CCR3: variants seen among roughly 807,000 people sequenced by gnomAD.
The protein encoded by CCR3 is C-C motif chemokine receptor 3, also known as C-C chemokine receptor type 3.
For synonymous variants in CCR3, 203 were observed against 179.2 expected (o/e 1.13, Z -1.06); for missense variants, 419 against 437.5 (o/e 0.96, Z 0.38).
At chr3:46,255,519 A>T (rs1700404561) in intron 1 of CCR3, among the ~76,000 whole-genome samples, 1 of 152,032 alleles carries the variant, frequency 6.6e-6, no homozygotes, top group South Asian at 2.1e-4. Flanking sequence ...TAAAATTTTT[A>T]TGGTTTTGGG....
chr3:46,222,756 G>T (rs1005492993), intron 2 of CCR3, among the ~76,000 whole-genome samples: 1 of 152,138 alleles, frequency 6.6e-6, no homozygotes. Context: ...GCTTCCCCAC[G>T]TTTAAAATAG....
rs1394572829 is a variant in CCR3, at chr3:46,265,521, C to G, written c.363C>G (p.Ile121Met). 9.9e-6 allele frequency: 16 copies of G among 1,614,106 alleles called. No individual in the cohort carries two copies. The highest frequency in any genetic ancestry group is 3.3e-4 in the Middle Eastern group (2 of 6,062). ...GFYHTGLYSE[I>M]FFIILLTIDR... The stretch of plus-strand genomic sequence containing the variant: ...ATCACACAGGCTTGTACAGCGAGAT[C>G]TTTTTCATAATCCTGCTGACAATCG... Residue 121 changes from isoleucine (I) to methionine (M), a missense_variant, in exon 2 of 2, where the codon ATC becomes ATG. Ile to Met is a conservative substitution (Grantham distance 10). Coordinates refer to ENST00000395940, the MANE Select transcript of CCR3 (RefSeq NM_178329.3).
At chr3:46,251,624 G>A (rs1475654624) in intron 1 of CCR3, among the ~76,000 whole-genome samples, 1 of 152,150 alleles carries the variant, frequency 6.6e-6, no homozygotes, top group Non-Finnish European at 1.5e-5. Flanking sequence ...GCATCCTTGT[G>A]AAGAGACCAC....
At chr3:46,252,130 A>G (rs1700325078) in intron 1 of CCR3, among the ~76,000 whole-genome samples, 1 of 150,510 alleles carries the variant, frequency 6.6e-6, no homozygotes, top group Non-Finnish European at 1.5e-5. Flanking sequence ...TGCAGTAGCC[A>G]CATTTCAAGT....
At chr3:46,231,144 C>T (rs368273465) in intron 2 of CCR3, among the ~76,000 whole-genome samples, 9 of 152,150 alleles carry the variant, frequency 5.9e-5, no homozygotes, top group African/African-American at 1.7e-4. Flanking sequence ...AGGATAGTCT[C>T]GATCTCTTAA....
At chr3:46,212,691 A>C (rs908956286) in intron 2 of CCR3, among the ~76,000 whole-genome samples, 1 of 152,040 alleles carries the variant, frequency 6.6e-6, no homozygotes, top group Non-Finnish European at 1.5e-5. Context: ...GAAAGGGGCC[A>C]AGACTTCTTT....
At chr3:46,251,864 A>G (rs1575504063) in intron 1 of CCR3, among the ~76,000 whole-genome samples, 1 of 152,140 alleles carries the variant, frequency 6.6e-6, no homozygotes, top group Non-Finnish European at 1.5e-5. Context: ...ATGAGCTAGG[A>G]AAAGGACTTT....
intron 2 of CCR3, among the ~76,000 whole-genome samples, chr3:46,231,505 G>A (rs2125925203): frequency 6.6e-6 from 1 of 152,238 alleles, no homozygotes; most frequent in East Asian, 1.9e-4. Flanking sequence ...TAGTCAACGA[G>A]CACAAAGTTT....
chr3:46,248,864 G>A (rs988155110), intron 1 of CCR3, among the ~76,000 whole-genome samples: 3 of 152,154 alleles, frequency 2.0e-5, no homozygotes, highest in African/African-American at 7.2e-5. Flanking sequence ...TTGGCCCCAC[G>A]GGGTGGATAG....
At chr3:46,249,903 G>A (rs1478819616) in intron 1 of CCR3, among the ~76,000 whole-genome samples, 5 of 152,094 alleles carry the variant, frequency 3.3e-5, no homozygotes, top group African/African-American at 1.2e-4. Context: ...ACACCTTGAA[G>A]GTGAGGTTAA....
At chr3:46,211,970 A>G (rs1180310196) in intron 2 of CCR3, among the ~76,000 whole-genome samples, 1 of 151,320 alleles carries the variant, frequency 6.6e-6, no homozygotes, top group Non-Finnish European at 1.5e-5. Context: ...TTAATTTGAT[A>G]CCCCCTCCTG....
intron 2 of CCR3, among the ~76,000 whole-genome samples, chr3:46,212,215 C>A (rs945927878): frequency 2.6e-5 from 4 of 152,180 alleles, no homozygotes; most frequent in African/African-American, 7.2e-5. Flanking sequence ...TGATGCAAAC[C>A]TTTTAGGTTC....
chr3:46,238,919 C>T (rs1212190111), upstream of CCR3, among the ~76,000 whole-genome samples: 1 of 152,168 alleles, frequency 6.6e-6, no homozygotes, highest in South Asian at 2.1e-4. Flanking sequence ...TAACGCAGAT[C>T]AGCGGTTGCC....
chr3:46,230,144 G>A (rs1699945202), intron 2 of CCR3, among the ~76,000 whole-genome samples: 1 of 152,158 alleles, frequency 6.6e-6, no homozygotes, highest in Non-Finnish European at 1.5e-5. Context: ...GGGGTGCATA[G>A]GAAAGGTAAG....
chr3:46,245,810 GT>G (rs1290977250), intron 1 of CCR3, among the ~76,000 whole-genome samples: 2 of 152,080 alleles, frequency 1.3e-5, no homozygotes, highest in Non-Finnish European at 2.9e-5. Context: ...GTCGTATTTG[GT>G]TTTTTCCCTG....
chr3:46,264,853 A>T, intron 1 of CCR3: 2 of 418,568 alleles, frequency 4.8e-6, no homozygotes, highest in African/African-American at 2.1e-5. Context: ...CCTGTTTTGT[A>T]TTTCTTCCTT....
chr3:46,234,028 C>T (rs879323742), intron 2 of CCR3, among the ~76,000 whole-genome samples: 2 of 152,238 alleles, frequency 1.3e-5, no homozygotes, highest in African/African-American at 2.4e-5. Flanking sequence ...CAAGGTAAGA[C>T]AATGGACAGG....
At chr3:46,252,476 G>C (rs1432402854) in intron 1 of CCR3, among the ~76,000 whole-genome samples, 1 of 152,070 alleles carries the variant, frequency 6.6e-6, no homozygotes, top group Non-Finnish European at 1.5e-5. Context: ...ACAGCACCCA[G>C]CCAAGTGTCT....
chr3:46,215,517 A>G (rs140356925), intron 2 of CCR3, among the ~76,000 whole-genome samples: 2 of 152,304 alleles, frequency 1.3e-5, no homozygotes, highest in African/African-American at 2.4e-5. Context: ...CTTACCAGAA[A>G]TGCAGACTCT....
Sources: allele counts gnomAD v4.1 joint callset (sites outside exome capture counted in the v4.1 genomes callset), GRCh38; gene constraint gnomAD v4.1.1; transcripts MANE v1.5; gene names NCBI Gene and HGNC (gene_info 2026-07-23, HGNC 2026-07-21).